Variants in NUTM1 observed in about 807,000 individuals in gnomAD.
NUTM1 encodes NUT midline carcinoma family member 1.
A neutral mutation model predicts 88.7 loss-of-function variants in NUTM1; 39 were observed. That is an observed-to-expected ratio of 0.44 (90% confidence interval 0.34 to 0.57). NUTM1 has a LOEUF of 0.57. NUTM1 is among the 20% of genes least tolerant of loss of function. NUTM1 has a pLI of 0.01. For missense variants in NUTM1, 1,350 were observed against 1,414.5 expected, an observed-to-expected ratio of 0.95 and a Z score of 0.73; for synonymous variants, 494 against 538.0, an observed-to-expected ratio of 0.92 and a Z score of 1.13.
Position 34,343,567 on chromosome 15 carries a change from G to T in NUTM1, c.-130G>T. 6.5e-7 allele frequency: 1 copy of T among 1,531,712 alleles called. No homozygotes were observed. Among genetic ancestry groups the T allele is most frequent in the Non-Finnish European group, 8.7e-7 (1 of 1,143,892 alleles). The allele number at this position is 1,531,712 out of a possible 1,614,324, so 94.9% of individuals were successfully genotyped here. The stretch of plus-strand genomic sequence containing the variant: ...TTTCAAAGCGTTGGCGGTAAAGAAT[G>T]CATGTTGAGTATCAATATTCCGTAA... On this transcript the variant is annotated 5_prime_UTR_variant, in exon 1 of 8. It removes an upstream start codon present in the reference 5' UTR. Transcript: ENST00000537011.
chr15:34,346,866 G>GAGCA (rs1362206986), intron 2 of NUTM1, among the ~76,000 whole-genome samples: 2 of 86,646 alleles, frequency 2.3e-5, no homozygotes, highest in Non-Finnish European at 4.0e-5. Context: ...ATGGGCCACA[G>GAGCA]AGCAAGACTC....
chr15:34,347,224 C>T (rs2140152309), intron 2 of NUTM1, among the ~76,000 whole-genome samples: 1 of 151,664 alleles, frequency 6.6e-6, no homozygotes, highest in Non-Finnish European at 1.5e-5. Flanking sequence ...CTGAGCCTAG[C>T]CTAGGCAACA....
intron 1 of NUTM1, among the ~76,000 whole-genome samples, chr15:34,344,642 G>A (rs1044069624): frequency 3.3e-5 from 5 of 152,164 alleles, no homozygotes; most frequent in African/African-American, 1.2e-4. Context: ...AAGGGGTAAG[G>A]GTTGGGAGGC....
In NUTM1 at chr15:34,353,165, G is replaced by A. The variant is rs1394232709; in HGVS notation, c.939-571G>A. On this transcript the variant is annotated intron_variant, in intron 4 of 7. Transcript: ENST00000537011. ...CTCCCAAAGTGCTGGGGTTACAGGC[G>A]TGAGCCACTGCGCCTGGCCTCATTC... Among the ~76,000 whole-genome samples the A allele has an allele frequency of 5.3e-5, 8 of 150,308 alleles. No individual in the cohort carries two copies. In the East Asian group the frequency reaches 8.0e-4, roughly 15 times the overall value.
In NUTM1 at chr15:34,356,747, G is replaced by C; in HGVS notation, c.2739G>C (p.Gly913=). 1 of 1,612,906 alleles carries C rather than the reference G, an allele frequency of 6.2e-7. No homozygotes were observed. Among genetic ancestry groups the C allele is most frequent in the South Asian group, 1.1e-5 (1 of 91,008 alleles). Residue 913 remains glycine (G), a synonymous_variant, in exon 8 of 8, where the codon GGG becomes GGC. Coordinates refer to ENST00000537011, the MANE Select transcript of NUTM1 (RefSeq NM_001284292.2). The stretch of plus-strand genomic sequence containing the variant: ...TGCCTGAAGCCAGTCAAGAGGCAGG[G>C]AGCAGAGGCAATTCCTTTTCTCCTC... ...SSLPEASQEA[G]SRGNSFSPLL...
chr15:34,347,936 T>C (rs1890628734), intron 2 of NUTM1, 33 bp from the exon 3 acceptor site: 2 of 1,366,332 alleles, frequency 1.5e-6, no homozygotes, highest in Non-Finnish European at 2.0e-6. Context: ...TCTTTTCTCC[T>C]ACTCCATTTC....
At chr15:34,346,961 G>A (rs1890604004) in intron 2 of NUTM1, among the ~76,000 whole-genome samples, 1 of 148,928 alleles carries the variant, frequency 6.7e-6, no homozygotes, top group African/African-American at 2.5e-5. Context: ...GCAGATAGGG[G>A]TCTGTGTGTC....
At position 34,346,936 on chromosome 15, in the gene NUTM1, G is replaced by A. The variant is rs546448879; in HGVS notation, c.100+901G>A. ...GCACTTAGAGGCAGTGATGGCTTGGGCTTGTCTCTTCTTGGCAGATAGGGG... is the reference window on the plus strand; with the variant it reads ...GCACTTAGAGGCAGTGATGGCTTGGACTTGTCTCTTCTTGGCAGATAGGGG... On this transcript the variant is annotated intron_variant, in intron 2 of 7. Coordinates refer to ENST00000537011, the MANE Select transcript of NUTM1 (RefSeq NM_001284292.2). Among the ~76,000 whole-genome samples the A allele has an allele frequency of 1.1e-4, 16 of 144,182 alleles. No individual in the cohort carries two copies. The South Asian group carries it at 3.6e-3, about 33-fold the overall frequency. 94.6% of individuals were successfully genotyped at this position (144,182 alleles called of 152,430 possible).
rs773046394 is a variant in NUTM1 at position 34,353,881 on chromosome 15, A to G, written c.1075+9A>G. The G allele has an allele frequency of 7.4e-6, 12 of 1,612,822 alleles. No individual in the cohort carries two copies. The highest frequency in any genetic ancestry group is 1.0e-5 in the Non-Finnish European group (12 of 1,179,958). Reference sequence around the variant, plus strand: ...GGTTTGCCAGCAGCCAGGTGAGGCTACCCAATTTTGACAGGAGCCGTGGGC... The same window carrying G: ...GGTTTGCCAGCAGCCAGGTGAGGCTGCCCAATTTTGACAGGAGCCGTGGGC... On this transcript the variant is annotated intron_variant, in intron 5 of 7. Coordinates refer to ENST00000537011, the MANE Select transcript of NUTM1 (RefSeq NM_001284292.2).
chr15:34,343,563 G>A lies in NUTM1; in HGVS notation c.-134G>A. 3 of 1,529,898 alleles carry A rather than the reference G, an allele frequency of 2.0e-6. No individual in the cohort carries two copies. Among genetic ancestry groups the A allele is most frequent in the Non-Finnish European group, 2.6e-6 (3 of 1,142,538 alleles). 94.8% of individuals were successfully genotyped at this position (1,529,898 alleles called of 1,614,324 possible). A position where few individuals can be genotyped will look rare whatever the true frequency, so the allele number is the denominator to read the frequency against. On this transcript the variant is annotated 5_prime_UTR_variant, in exon 1 of 8. Transcript: ENST00000537011. ...TCCATTTCAAAGCGTTGGCGGTAAAGAATGCATGTTGAGTATCAATATTCC... is the reference window on the plus strand; with the variant it reads ...TCCATTTCAAAGCGTTGGCGGTAAAAAATGCATGTTGAGTATCAATATTCC...
rs1266998909 is a variant in NUTM1, at chr15:34,356,246, C to G, written c.2238C>G (p.Leu746=). The G allele has an allele frequency of 3.1e-6, 5 of 1,607,976 alleles. No homozygotes were observed. In the East Asian group the frequency reaches 8.9e-5, roughly 29 times the overall value. The change falls in exon 8 of 8, where the codon CTC becomes CTG. Residue 746 remains leucine, a synonymous_variant. Transcript: ENST00000537011. ...RAAGERDDVC[L]SPGVWLSSEM... ...CTGGGGAGAGGGACGATGTCTGTCT[C>G]AGCCCAGGAGTTTGGCTGAGCAGTG...
Position 34,356,516 on chromosome 15 carries a change from T to C in NUTM1, c.2508T>C (p.Pro836=), listed in dbSNP as rs374465725. The change falls in exon 8 of 8, where the codon CCT becomes CCC. Residue 836 remains proline (P), a synonymous_variant. Coordinates refer to ENST00000537011, the MANE Select transcript of NUTM1 (RefSeq NM_001284292.2). ...EKRNYCSLPG[P]LRANSPPLRS... is the part of the protein sequence containing the mutation. ...GAAACTATTGCAGCTTGCCAGGACC[T>C]TTGAGGGCCAACAGCCCACCCTTGA... is the stretch of plus-strand genomic sequence containing the variant. 1.2e-6 allele frequency: 2 copies of C among 1,613,954 alleles called. No homozygotes were observed. The highest frequency in any genetic ancestry group is 1.7e-6 in the Non-Finnish European group (2 of 1,179,964).
chr15:34,353,733 C>T lies in NUTM1; in HGVS notation c.939-3C>T. ...TTGCCTATGCCTTTCTCACCCTCTG[C>T]AGGTTCATGGAGTTTGAGGCTGAGG... On this transcript the variant is annotated splice_polypyrimidine_tract_variant and splice_region_variant and intron_variant, in intron 4 of 7. Coordinates refer to ENST00000537011, the MANE Select transcript of NUTM1 (RefSeq NM_001284292.2). 1 of 1,614,112 alleles carries T rather than the reference C, an allele frequency of 6.2e-7. No homozygotes were observed. Among genetic ancestry groups the T allele is most frequent in the Non-Finnish European group, 8.5e-7 (1 of 1,179,998 alleles).
chr15:34,348,485 C>A lies in NUTM1; in HGVS notation c.617C>A (p.Ala206Asp). Residue 206 changes from alanine (A) to aspartate (D), a missense_variant, in exon 3 of 8, where the codon GCT becomes GAT. By Grantham distance (126) the Ala-to-Asp change is moderately radical. Coordinates refer to ENST00000537011, the MANE Select transcript of NUTM1 (RefSeq NM_001284292.2). ...GTCCCCATTGTGCCCCTGGAAAAAG[C>A]TTGGCCAGGGCCACATGGGACAACC... ...QLVPIVPLEK[A>D]WPGPHGTTGE... 1 of 1,614,174 alleles carries A rather than the reference C, an allele frequency of 6.2e-7. No individual in the cohort carries two copies. The highest frequency in any genetic ancestry group is 8.5e-7 in the Non-Finnish European group (1 of 1,179,988).
In NUTM1 at chr15:34,354,574, A is replaced by T; in HGVS notation, c.1204A>T (p.Ile402Phe). The change falls in exon 6 of 8, where the codon ATC becomes TTC. Residue 402 changes from isoleucine (I) to phenylalanine (F), a missense_variant. Coordinates refer to ENST00000537011, the MANE Select transcript of NUTM1 (RefSeq NM_001284292.2). Reference protein sequence around the residue: ...PPEAVKEYVDIMEWLVGTHLA... With the variant: ...PPEAVKEYVDFMEWLVGTHLA... ...AGAAGCTGTGAAGGAGTATGTTGAC[A>T]TCATGGAATGGCTGGTGGGGACTCA... is the stretch of plus-strand genomic sequence containing the variant. The T allele has an allele frequency of 6.2e-7, 1 of 1,614,182 alleles. No homozygotes were observed. The highest frequency in any genetic ancestry group is 1.1e-5 in the South Asian group (1 of 91,078).
At position 34,356,209 on chromosome 15, in the gene NUTM1, C is replaced by T. The variant is rs927937416; in HGVS notation, c.2201C>T (p.Ser734Phe). 1 of 1,606,670 alleles carries T rather than the reference C, an allele frequency of 6.2e-7. No homozygotes were observed. Among genetic ancestry groups the T allele is most frequent in the Non-Finnish European group, 8.5e-7 (1 of 1,174,878 alleles). ...PMAQSYDQNP[S>F]PRAAGERDDV... ...GCTCAGAGTTATGATCAGAATCCTT[C>T]CCCTAGAGCAGCTGGGGAGAGGGAC... Residue 734 changes from serine (S) to phenylalanine (F), a missense_variant, in exon 8 of 8, where the codon TCC (serine) becomes TTC (phenylalanine). Around this residue, in one of 5 missense-constraint regions of NUTM1, gnomAD observed 730 missense variants for 728.8 expected, o/e 1.00. Coordinates refer to ENST00000537011, the MANE Select transcript of NUTM1 (RefSeq NM_001284292.2).
intron 2 of NUTM1, among the ~76,000 whole-genome samples, chr15:34,347,554 G>A (rs59375529): frequency 0.13 from 19,360 of 151,030 alleles, 1,388 homozygotes; most frequent in East Asian, 0.33. Context: ...CACCGTGCCC[G>A]GCCTCTACAA....
Position 34,348,232 on chromosome 15 carries a change from A to T in NUTM1, c.364A>T (p.Thr122Ser), listed in dbSNP as rs1247200595. The T allele has an allele frequency of 6.2e-7, 1 of 1,614,210 alleles. No homozygotes were observed. The highest frequency in any genetic ancestry group is 8.5e-7 in the Non-Finnish European group (1 of 1,180,044). ...TGGCAAGGTCATTGTCAAAGTCAAG[A>T]CAGAAGGGGGGTCAGCTGAGCCCTC... ...GAGKVIVKVK[T>S]EGGSAEPSQT... Residue 122 changes from threonine to serine, a missense_variant, in exon 3 of 8, where the codon ACA becomes TCA. By Grantham distance (58) the Thr-to-Ser change is moderately conservative. Coordinates refer to ENST00000537011, the MANE Select transcript of NUTM1 (RefSeq NM_001284292.2).
Position 34,356,214 on chromosome 15 carries a change from A to G in NUTM1, c.2206A>G (p.Arg736Gly). Residue 736 changes from arginine (R) to glycine (G), a missense_variant, in exon 8 of 8, where the codon AGA (arginine) becomes GGA (glycine). Coordinates refer to ENST00000537011, the MANE Select transcript of NUTM1 (RefSeq NM_001284292.2). The stretch of plus-strand genomic sequence containing the variant: ...GAGTTATGATCAGAATCCTTCCCCT[A>G]GAGCAGCTGGGGAGAGGGACGATGT... ...AQSYDQNPSPRAAGERDDVCL... is the reference protein window; with the variant it reads ...AQSYDQNPSPGAAGERDDVCL... 1 of 1,607,574 alleles carries G rather than the reference A, an allele frequency of 6.2e-7. No homozygotes were observed. The highest frequency in any genetic ancestry group is 8.5e-7 in the Non-Finnish European group (1 of 1,175,392).
Sources: gnomAD v4.1 joint callset for allele counts (sites outside exome capture counted in the v4.1 genomes callset) on GRCh38, gnomAD v4.1.1 for gene constraint, gnomAD v4.1.1 regional missense constraint, MANE v1.5 for transcripts, NCBI Gene and HGNC (gene_info 2026-07-23, HGNC 2026-07-21) for gene names.